Variants in NAV3 observed in about 807,000 individuals in gnomAD.
NAV3 encodes the protein neuron navigator 3.
NAV3 carries 87 observed loss-of-function variants against 244.7 expected under a neutral mutation model. The observed-to-expected ratio is 0.36, with a 90% CI of 0.30 to 0.42. NAV3 has a LOEUF of 0.42. Ranked by LOEUF, NAV3 falls within the 20% of genes least tolerant of loss-of-function variation. The pLI, the probability that NAV3 is intolerant of heterozygous loss-of-function variation, is 1.00. For missense variants in NAV3, 2,663 were observed against 2,893.3 expected (o/e 0.92, Z 1.83); for synonymous variants, 1,126 against 1,042.2 (o/e 1.08, Z -1.55).
At chr12:77,813,811 A>T (rs1166483313) in intron 2 of NAV3, among the ~76,000 whole-genome samples, 1 of 152,216 alleles carries the variant, frequency 6.6e-6, no homozygotes, top group Non-Finnish European at 1.5e-5. Flanking sequence ...CTGATCTAAA[A>T]TATTTTAGTG....
chr12:77,606,839 A>G (rs1870691471), intron 2 of NAV3, among the ~76,000 whole-genome samples: 2 of 152,078 alleles, frequency 1.3e-5, no homozygotes. Flanking sequence ...CTATGTCCCA[A>G]ACTTCTAGGA....
At chr12:77,755,159 A>G (rs891197015) in intron 2 of NAV3, among the ~76,000 whole-genome samples, 11 of 151,956 alleles carry the variant, frequency 7.2e-5, no homozygotes, top group African/African-American at 2.4e-4. Context: ...TAGTCTTTTC[A>G]TTTGTTCCTG....
chr12:77,790,989 C>G (rs1012725706), intron 2 of NAV3, among the ~76,000 whole-genome samples: 1 of 152,108 alleles, frequency 6.6e-6, no homozygotes, highest in African/African-American at 2.4e-5. Context: ...AGAAGGAAAA[C>G]GAAACAACAA....
At chr12:78,059,455 A>T (rs1884000713) in intron 12 of NAV3, among the ~76,000 whole-genome samples, 1 of 151,900 alleles carries the variant, frequency 6.6e-6, no homozygotes, top group African/African-American at 2.4e-5. Flanking sequence ...TGCCCAGCTA[A>T]TTTTTGTATT....
intron 34 of NAV3, among the ~76,000 whole-genome samples, chr12:78,191,946 A>G (rs1387821771): frequency 6.6e-6 from 1 of 152,180 alleles, no homozygotes; most frequent in Non-Finnish European, 1.5e-5. Context: ...GGAGGAGACC[A>G]TGACATTTTG....
chr12:78,011,990 G>T (rs1593274146), intron 8 of NAV3, among the ~76,000 whole-genome samples: 2 of 152,154 alleles, frequency 1.3e-5, no homozygotes, highest in East Asian at 3.9e-4. Context: ...GGGGGAAACT[G>T]CTCCCTTGGT....
At chr12:77,863,596 T>A (rs1265478269) in intron 1 of NAV3, among the ~76,000 whole-genome samples, 1 of 151,932 alleles carries the variant, frequency 6.6e-6, no homozygotes, top group Non-Finnish European at 1.5e-5. Context: ...TCTTGACACA[T>A]CTAACTGCAA....
intron 1 of NAV3, among the ~76,000 whole-genome samples, chr12:77,913,638 A>G (rs141046064): frequency 6.6e-6 from 1 of 152,142 alleles, no homozygotes; most frequent in Non-Finnish European, 1.5e-5. Context: ...ATTGGACCCA[A>G]AATTCAGGGA....
intron 12 of NAV3, among the ~76,000 whole-genome samples, chr12:78,070,170 A>G (rs1163164793): frequency 6.6e-6 from 1 of 152,160 alleles, no homozygotes; most frequent in East Asian, 1.9e-4. Context: ...CTAGGTAAAA[A>G]TAAAATTATT....
intron 2 of NAV3, among the ~76,000 whole-genome samples, chr12:77,678,700 T>C (rs1000318366): frequency 7.9e-5 from 12 of 152,156 alleles, no homozygotes; most frequent in Non-Finnish European, 4.4e-5. Flanking sequence ...TTTTAAAATA[T>C]ATTTGATTCT....
chr12:78,095,088 C>T (rs28731059), intron 12 of NAV3, among the ~76,000 whole-genome samples: 308 of 133,038 alleles, frequency 2.3e-3, no homozygotes, highest in African/African-American at 5.0e-3. Flanking sequence ...CACACACACA[C>T]ATATATATAT....
At chr12:78,048,689 C>T (rs779311833) in intron 9 of NAV3, among the ~76,000 whole-genome samples, 8 of 152,152 alleles carry the variant, frequency 5.3e-5, no homozygotes, top group African/African-American at 1.2e-4. Flanking sequence ...TCAGGAGGCA[C>T]GGGGGTCAGG....
At chr12:78,027,445 AAAAAAAAAGGGTGGG>A (rs887473258) in intron 9 of NAV3, among the ~76,000 whole-genome samples, 1 of 150,160 alleles carries the variant, frequency 6.7e-6, no homozygotes, top group Non-Finnish European at 1.5e-5. Flanking sequence ...CCTTGTCTCC[AAAAAAAAAGGGTGGG>A]GGGCCGGGGG....
chr12:78,195,431 G>A (rs765972895), intron 34 of NAV3, among the ~76,000 whole-genome samples: 3 of 151,286 alleles, frequency 2.0e-5, no homozygotes, highest in African/African-American at 4.9e-5. Flanking sequence ...CTTAAGTCTG[G>A]ATTAGATGCC....
chr12:78,107,935 C>T (rs1954890467), intron 12 of NAV3, among the ~76,000 whole-genome samples: 1 of 151,924 alleles, frequency 6.6e-6, no homozygotes, highest in African/African-American at 2.4e-5. Context: ...AACGAATAAA[C>T]AACAATATAA....
intron 1 of NAV3, among the ~76,000 whole-genome samples, chr12:77,841,391 A>G (rs959560205): frequency 2.2e-4 from 34 of 152,218 alleles, no homozygotes; most frequent in African/African-American, 7.5e-4. Context: ...ATTTTTCATA[A>G]TGAAATGTGA....
At chr12:78,030,128 T>G (rs1878733222) in intron 9 of NAV3, among the ~76,000 whole-genome samples, 1 of 152,192 alleles carries the variant, frequency 6.6e-6, no homozygotes, top group African/African-American at 2.4e-5. Context: ...TTCCAAAATC[T>G]GAAAAAATTC....
intron 20 of NAV3, among the ~76,000 whole-genome samples, chr12:78,142,148 G>A (rs1314267044): frequency 6.6e-6 from 1 of 152,056 alleles, no homozygotes. Context: ...CTTCCTAAAT[G>A]AAGAATGGGA....
chr12:77,634,126 A>ATT (rs5799341), intron 2 of NAV3, among the ~76,000 whole-genome samples: 29,883 of 149,384 alleles, frequency 0.2, 3,245 homozygotes, highest in Admixed American at 0.26. Flanking sequence ...CAAATCTCCC[A>ATT]TTTTTTTTTT....
Sources: gnomAD v4.1 joint callset for allele counts (sites outside exome capture counted in the v4.1 genomes callset) on GRCh38, gnomAD v4.1.1 for gene constraint, MANE v1.5 for transcripts, NCBI Gene and HGNC (gene_info 2026-07-23, HGNC 2026-07-21) for gene names.